The following FNBP1L variants were observed in gnomAD, a reference collection of about 807,000 sequenced individuals.
The protein encoded by FNBP1L is formin-binding protein 1-like.
A neutral mutation model predicts 91.2 loss-of-function variants in FNBP1L; 36 were observed. The observed-to-expected ratio is 0.39, with a 90% CI of 0.30 to 0.52. The LOEUF (loss-of-function observed/expected upper bound fraction) is 0.52, where lower values mean the gene tolerates loss of function less well. Among genes scored for constraint, FNBP1L ranks in the 20% least tolerant of loss-of-function variants. The pLI is 0.66. For missense variants in FNBP1L, 571 were observed against 732.1 expected, an observed-to-expected ratio of 0.78 and a Z score of 2.54; for synonymous variants, 242 against 237.0, an observed-to-expected ratio of 1.02 and a Z score of -0.19.
At chr1:93,475,750 G>T (rs755107863) in intron 1 of FNBP1L, among the ~76,000 whole-genome samples, 10 of 152,180 alleles carry the variant, frequency 6.6e-5, no homozygotes, top group Admixed American at 2.0e-4. Context: ...AATTATGCAT[G>T]AGAGTAGTTG....
chr1:93,451,140 G>A (rs1038609689), intron 1 of FNBP1L, among the ~76,000 whole-genome samples: 1 of 152,146 alleles, frequency 6.6e-6, no homozygotes, highest in Non-Finnish European at 1.5e-5. Flanking sequence ...ACTTCTTCAG[G>A]ATGCGTGGTA....
chr1:93,523,869 T>C lies in FNBP1L; in HGVS notation c.342+378T>C, dbSNP rs183388292. Among the ~76,000 whole-genome samples, 33 of 152,366 alleles carry C rather than the reference T, an allele frequency of 2.2e-4. 1 individual carries two copies. Among genetic ancestry groups the C allele is most frequent in the Admixed American group, 1.9e-3 (29 of 15,298 alleles). ...GGAACAGACCCACATTCATTGACTT[T>C]TATATTGCCTGTGGCTGCTTTTGCA... is the stretch of plus-strand genomic sequence containing the variant. On this transcript the variant is annotated intron_variant, in intron 4 of 16. Transcript: ENST00000271234.
chr1:93,457,439 C>CTTAAT (rs1668708172), intron 1 of FNBP1L, among the ~76,000 whole-genome samples: 1 of 152,040 alleles, frequency 6.6e-6, no homozygotes, highest in South Asian at 2.1e-4. Context: ...CTGGGACTAC[C>CTTAAT]TTAAACTAGT....
intron 2 of FNBP1L, among the ~76,000 whole-genome samples, chr1:93,508,695 A>G (rs889460699): frequency 3.9e-5 from 6 of 152,146 alleles, no homozygotes; most frequent in Admixed American, 6.5e-5. Flanking sequence ...TAGAGTTCAA[A>G]TTAGTGTTAT....
rs537386735 is a variant in FNBP1L, at chr1:93,519,328, T to C, written c.141-2754T>C. Among the ~76,000 whole-genome samples, 6 of 152,336 alleles carry C rather than the reference T, an allele frequency of 3.9e-5. No individual in the cohort carries two copies. In the South Asian group the frequency reaches 1.2e-3, roughly 32 times the overall value. On this transcript the variant is annotated intron_variant, in intron 2 of 16. Transcript: ENST00000271234. ...TTACAGTTCTTAAATGCTCTGTTTT[T>C]CCCCACTTCTTTGTCTTTGCTCATT...
At chr1:93,481,031 A>G (rs1483588034) in intron 1 of FNBP1L, among the ~76,000 whole-genome samples, 2 of 152,146 alleles carry the variant, frequency 1.3e-5, no homozygotes, top group Non-Finnish European at 2.9e-5. Flanking sequence ...CCTCCAATGT[A>G]TGATGTGATT....
At chr1:93,518,758 A>G (rs1671218880) in intron 2 of FNBP1L, among the ~76,000 whole-genome samples, 4 of 152,186 alleles carry the variant, frequency 2.6e-5, no homozygotes, top group Non-Finnish European at 5.9e-5. Context: ...TCTACACTTG[A>G]GTGTTCTTTT....
chr1:93,486,960 C>T (rs934674453), intron 1 of FNBP1L, among the ~76,000 whole-genome samples: 3 of 152,090 alleles, frequency 2.0e-5, no homozygotes, highest in African/African-American at 7.2e-5. Context: ...TTTTCATATC[C>T]TTTCTCTCCT....
chr1:93,486,967 T>C (rs1669932691), intron 1 of FNBP1L, among the ~76,000 whole-genome samples: 3 of 152,198 alleles, frequency 2.0e-5, no homozygotes, highest in Admixed American at 2.0e-4. Flanking sequence ...ATCCTTTCTC[T>C]CCTTTCAAGC....
intron 1 of FNBP1L, among the ~76,000 whole-genome samples, chr1:93,449,234 C>T (rs992111847): frequency 2.6e-5 from 4 of 151,970 alleles, no homozygotes; most frequent in Non-Finnish European, 4.4e-5. Flanking sequence ...GCTCCTGGCG[C>T]CGGCGCGGAA....
At chr1:93,466,068 G>A (rs1329999262) in intron 1 of FNBP1L, among the ~76,000 whole-genome samples, 1 of 150,070 alleles carries the variant, frequency 6.7e-6, no homozygotes, top group East Asian at 2.0e-4. Context: ...TTTTTTTCTT[G>A]TAAATTTGTT....
intron 2 of FNBP1L, among the ~76,000 whole-genome samples, chr1:93,510,044 C>T (rs1263776545): frequency 3.3e-5 from 5 of 151,894 alleles, no homozygotes; most frequent in Admixed American, 1.3e-4. Flanking sequence ...GAGGGGCGCC[C>T]GCCATTGCCC....
intron 1 of FNBP1L, among the ~76,000 whole-genome samples, chr1:93,477,359 T>C (rs1669533346): frequency 6.6e-6 from 1 of 152,238 alleles, no homozygotes; most frequent in African/African-American, 2.4e-5. Context: ...GTACAGTGTT[T>C]ATAAGCAACA....
At position 93,467,842 on chromosome 1, in the gene FNBP1L, G is replaced by A. The variant is rs189627373; in HGVS notation, c.24+19537G>A. Among the ~76,000 whole-genome samples, 9 of 152,246 alleles carry A rather than the reference G, an allele frequency of 5.9e-5. No individual in the cohort carries two copies. The East Asian group carries it at 1.7e-3, about 29-fold the overall frequency. Reference sequence around the variant, plus strand: ...TAGTCCCAGCTACTCTTGAGGGTGAGGTGAGAGGATCACTTGAGTTCAGGA... The same window carrying A: ...TAGTCCCAGCTACTCTTGAGGGTGAAGTGAGAGGATCACTTGAGTTCAGGA... On this transcript the variant is annotated intron_variant, in intron 1 of 16. Coordinates refer to ENST00000271234, the MANE Select transcript of FNBP1L (RefSeq NM_001164473.3).
chr1:93,544,496 C>G (rs1488904016), intron 12 of FNBP1L, among the ~76,000 whole-genome samples: 1 of 151,948 alleles, frequency 6.6e-6, no homozygotes, highest in African/African-American at 2.4e-5. Flanking sequence ...TCAGCACTAC[C>G]TCTTATACTT....
intron 11 of FNBP1L, among the ~76,000 whole-genome samples, chr1:93,543,506 CT>C (rs1227799508): frequency 6.6e-6 from 1 of 152,078 alleles, no homozygotes; most frequent in Non-Finnish European, 1.5e-5. Context: ...ATAGTTCTAT[CT>C]TTGGTTTTTA....
intron 1 of FNBP1L, among the ~76,000 whole-genome samples, chr1:93,463,846 A>G (rs1338345042): frequency 1.3e-5 from 2 of 152,180 alleles, no homozygotes; most frequent in Non-Finnish European, 2.9e-5. Flanking sequence ...TGTAAAACAG[A>G]TTCTCCTATC....
intron 4 of FNBP1L, 100 bp from the exon 5 acceptor site, chr1:93,524,161 T>G: frequency 1.1e-6 from 1 of 928,512 alleles, no homozygotes; most frequent in Non-Finnish European, 1.5e-6. Flanking sequence ...TGAAAAGCCT[T>G]TTGGGGACTT....
intron 2 of FNBP1L, among the ~76,000 whole-genome samples, chr1:93,507,141 TC>T (rs1670663761): frequency 4.4e-4 from 64 of 144,490 alleles, no homozygotes; most frequent in African/African-American, 5.9e-4. Context: ...TCTCTCTCTC[TC>T]TCTCTCTCTT....
Sources: gnomAD v4.1 joint callset for allele counts (sites outside exome capture counted in the v4.1 genomes callset) on GRCh38, gnomAD v4.1.1 for gene constraint, MANE v1.5 for transcripts, NCBI Gene and HGNC (gene_info 2026-07-23, HGNC 2026-07-21) for gene names.